The following PCDHGA6 variants were observed in gnomAD, a reference collection of about 807,000 sequenced individuals.
PCDHGA6 encodes protocadherin gamma subfamily A, 6, also known as protocadherin gamma-A6.
Under a neutral mutation model 60.6 loss-of-function variants are expected in PCDHGA6, and 41 were observed. The observed-to-expected ratio is 0.68, with a 90% confidence interval of 0.53 to 0.88. The LOEUF (loss-of-function observed/expected upper bound fraction) is 0.88. PCDHGA6 is among the 40% of genes least tolerant of loss of function. PCDHGA6 has a pLI of 0.00. For synonymous variants in PCDHGA6, 594 were observed against 524.4 expected (o/e 1.13, Z -1.81); for missense variants, 1,312 against 1,203.0 (o/e 1.09, Z -1.34).
chr5:141,404,116 G>A (rs751598967), intron 1 of PCDHGA6: 1 of 1,613,478 alleles, frequency 6.2e-7, no homozygotes, highest in East Asian at 2.2e-5. Flanking sequence ...CTATCCAGGA[G>A]AATCTATCTT....
intron 1 of PCDHGA6, among the ~76,000 whole-genome samples, chr5:141,447,787 T>C (rs1025269338): frequency 1.3e-5 from 2 of 152,106 alleles, no homozygotes; most frequent in Non-Finnish European, 2.9e-5. Context: ...TGAAAATAAA[T>C]TTAAGAAAAT....
chr5:141,386,226 C>T (rs1164415292), intron 1 of PCDHGA6, among the ~76,000 whole-genome samples: 1 of 152,142 alleles, frequency 6.6e-6, no homozygotes, highest in Non-Finnish European at 1.5e-5. Flanking sequence ...ATTAGGTCTA[C>T]TGAAAAATTC....
At position 141,485,320 on chromosome 5, in the gene PCDHGA6, T is replaced by G; in HGVS notation, c.2425-9487T>G. The G allele has an allele frequency of 6.2e-7, 1 of 1,614,114 alleles. No individual in the cohort carries two copies. The highest frequency in any genetic ancestry group is 8.5e-7 in the Non-Finnish European group (1 of 1,180,018). ...AAGGGACTTTTGTAGGGAATGTCGC[T>G]CAAGATTTCCTGCTGGATACGGACA... is the stretch of plus-strand genomic sequence containing the variant. On this transcript the variant is annotated intron_variant, in intron 1 of 3. Transcript: ENST00000517434. The surrounding 1 kb of genome is among the most constrained non-coding windows in gnomAD (Gnocchi z 5.7).
intron 1 of PCDHGA6, chr5:141,418,609 C>G: frequency 6.2e-7 from 1 of 1,614,026 alleles, no homozygotes. Flanking sequence ...ACAGGGTTAG[C>G]CTTCGGGAAG....
chr5:141,422,298 T>G, intron 1 of PCDHGA6: 1 of 1,549,054 alleles, frequency 6.5e-7, no homozygotes, highest in Non-Finnish European at 8.7e-7. Flanking sequence ...TTAATTCAAT[T>G]CTGGAAAACT....
At chr5:141,426,004 C>T (rs573455573) in intron 1 of PCDHGA6, among the ~76,000 whole-genome samples, 10 of 152,264 alleles carry the variant, frequency 6.6e-5, no homozygotes, top group Non-Finnish European at 8.8e-5. Flanking sequence ...CAAAGGCTTC[C>T]GGCTGCAGTT....
intron 1 of PCDHGA6, chr5:141,420,275 G>A: frequency 1.3e-6 from 2 of 1,524,576 alleles, no homozygotes; most frequent in Non-Finnish European, 1.8e-6. Flanking sequence ...TCTTAAACAG[G>A]TAAGTATTTA....
intron 1 of PCDHGA6, among the ~76,000 whole-genome samples, chr5:141,450,685 C>T (rs542985781): frequency 6.6e-6 from 1 of 152,020 alleles, no homozygotes; most frequent in South Asian, 2.1e-4. Context: ...CGGGGTTTTG[C>T]CATGTTGCCC....
chr5:141,465,251 A>T (rs1436627558), intron 1 of PCDHGA6, among the ~76,000 whole-genome samples: 1 of 152,214 alleles, frequency 6.6e-6, no homozygotes, highest in Non-Finnish European at 1.5e-5. Flanking sequence ...GCACTTTTGT[A>T]AGCAATGATA....
chr5:141,390,446 G>A, intron 1 of PCDHGA6: 1 of 862,526 alleles, frequency 1.2e-6, no homozygotes, highest in Non-Finnish European at 1.7e-6. Context: ...CTACAAAGGA[G>A]GAGTAAAGTA....
At chr5:141,510,589 A>G (rs1043188276) in intron 3 of PCDHGA6, among the ~76,000 whole-genome samples, 2 of 152,194 alleles carry the variant, frequency 1.3e-5, no homozygotes, top group African/African-American at 2.4e-5. Context: ...CGTACCTGAC[A>G]TACATTTTCT....
At chr5:141,469,233 C>T (rs2099194657) in intron 1 of PCDHGA6, among the ~76,000 whole-genome samples, 1 of 149,878 alleles carries the variant, frequency 6.7e-6, no homozygotes, top group African/African-American at 2.5e-5. Context: ...GCCATGATCA[C>T]CCCACTGCAC....
intron 1 of PCDHGA6, among the ~76,000 whole-genome samples, chr5:141,445,007 G>A (rs771023003): frequency 1.5e-4 from 23 of 151,994 alleles, no homozygotes; most frequent in Non-Finnish European, 2.4e-4. Flanking sequence ...ATTTAATTAG[G>A]TCTTTAATTT....
chr5:141,393,272 A>G, intron 1 of PCDHGA6: 1 of 1,613,892 alleles, frequency 6.2e-7, no homozygotes, highest in Non-Finnish European at 8.5e-7. Context: ...CACGTTATCC[A>G]CTCCCAGAAG....
Position 141,485,267 on chromosome 5 carries a change from C to T in PCDHGA6, c.2425-9540C>T, listed in dbSNP as rs767229426. On this transcript the variant is annotated intron_variant, in intron 1 of 3. Transcript: ENST00000517434. This position sits in a 1 kb window ranked among gnomAD's most constrained non-coding sequence, Gnocchi z 5.7. ...CCTGGGTTACGTTTGTGGGCAGATC[C>T]GCTACCCGGTCCCAGAGGAGTCACA... is the stretch of plus-strand genomic sequence containing the variant. 6.2e-7 allele frequency: 1 copy of T among 1,614,088 alleles called. No homozygotes were observed. Among genetic ancestry groups the T allele is most frequent in the South Asian group, 1.1e-5 (1 of 91,082 alleles).
At chr5:141,495,279 G>T (rs72790069) in intron 2 of PCDHGA6, among the ~76,000 whole-genome samples, 4 of 152,146 alleles carry the variant, frequency 2.6e-5, no homozygotes, top group Non-Finnish European at 5.9e-5. Context: ...CGGAGGAGGC[G>T]GTCCGCACTC....
At chr5:141,390,307 A>G (rs2092112369) in intron 1 of PCDHGA6, 1 of 1,613,424 alleles carries the variant, frequency 6.2e-7, no homozygotes, top group Admixed American at 1.7e-5. Flanking sequence ...GTATAATTTA[A>G]TGCTCATTGC....
At chr5:141,449,723 GA>G (rs1432635918) in intron 1 of PCDHGA6, among the ~76,000 whole-genome samples, 2 of 150,880 alleles carry the variant, frequency 1.3e-5, no homozygotes, top group Admixed American at 6.6e-5. Flanking sequence ...TATATGATAT[GA>G]TTTTTTTATG....
rs2099629299 is a variant in PCDHGA6, at chr5:141,486,426, A to G, written c.2425-8381A>G. ...GCTGGACCCTTGGATCGAGAGGCCA[A>G]ATCTAGCTATGACATCATGGTCACT... On this transcript the variant is annotated intron_variant, in intron 1 of 3. Transcript: ENST00000517434. The surrounding 1 kb of genome is among the most constrained non-coding windows in gnomAD (Gnocchi z 5.0). 1.9e-6 allele frequency: 3 copies of G among 1,614,190 alleles called. No individual in the cohort carries two copies. Among genetic ancestry groups the G allele is most frequent in the Non-Finnish European group, 2.5e-6 (3 of 1,180,026 alleles).
Sources: gnomAD v4.1 joint callset for allele counts (sites outside exome capture counted in the v4.1 genomes callset) on GRCh38, gnomAD v4.1.1 for gene constraint, Gnocchi (gnomAD v3.1) non-coding constraint, MANE v1.5 for transcripts, NCBI Gene and HGNC (gene_info 2026-07-23, HGNC 2026-07-21) for gene names.